The following AFF3 variants were observed in gnomAD, a reference collection of about 807,000 sequenced individuals.
The protein encoded by AFF3 is AF4/FMR2 family member 3.
A neutral mutation model predicts 129.7 loss-of-function variants in AFF3; 32 were observed. The ratio of observed to expected loss-of-function variants is 0.25; its 90% confidence interval spans 0.19 to 0.33. The LOEUF (loss-of-function observed/expected upper bound fraction) is 0.33, where lower values mean the gene tolerates loss of function less well. AFF3 is among the 10% of genes least tolerant of loss of function. AFF3 has a pLI of 1.00. For missense variants in AFF3, 1,373 were observed against 1,592.0 expected, an observed-to-expected ratio of 0.86 and a Z score of 2.34; for synonymous variants, 644 against 635.4, an observed-to-expected ratio of 1.01 and a Z score of -0.20.
At chr2:99,883,745 T>A (rs954588291) in intron 7 of AFF3, among the ~76,000 whole-genome samples, 2 of 152,190 alleles carry the variant, frequency 1.3e-5, no homozygotes, top group South Asian at 4.1e-4. Flanking sequence ...ACAGAGAGCC[T>A]TCTACTGAGT....
chr2:99,726,536 T>C (rs931608175), intron 11 of AFF3, among the ~76,000 whole-genome samples: 2 of 152,246 alleles, frequency 1.3e-5, no homozygotes, highest in Non-Finnish European at 2.9e-5. Flanking sequence ...TCCTTGAATA[T>C]TGAGAAGAAA....
intron 7 of AFF3, among the ~76,000 whole-genome samples, chr2:99,923,608 G>A (rs1696017361): frequency 1.3e-5 from 2 of 152,082 alleles, no homozygotes; most frequent in Admixed American, 6.6e-5. Context: ...TCACTCAAAA[G>A]AAATATAGCA....
At chr2:100,024,312 T>C (rs925409536) in intron 4 of AFF3, among the ~76,000 whole-genome samples, 4 of 147,848 alleles carry the variant, frequency 2.7e-5, no homozygotes, top group African/African-American at 5.0e-5. Context: ...GGGTGGCTCA[T>C]GCTTGTAATC....
intron 4 of AFF3, among the ~76,000 whole-genome samples, chr2:100,045,267 C>T (rs530707265): frequency 6.6e-6 from 1 of 152,262 alleles, no homozygotes; most frequent in East Asian, 1.9e-4. Context: ...AGCTGAGTGC[C>T]GCAGTTACTA....
Position 99,727,102 on chromosome 2 carries a change from G to C in AFF3, c.1066C>G (p.Pro356Ala). 1.9e-6 allele frequency: 3 copies of C among 1,610,694 alleles called. 1 individual carries two copies. In the South Asian group the frequency reaches 3.3e-5, roughly 18 times the overall value. The change falls in exon 11 of 25, where the codon CCA becomes GCA. Residue 356 changes from proline (P) to alanine (A), a missense_variant. Physicochemically the swap from Pro to Ala is conservative, Grantham distance 27. Coordinates refer to ENST00000672756, the MANE Select transcript of AFF3 (RefSeq NM_001386135.1). ...GATGTATTCGATGTGCCATTGTCTG[G>C]ACTCTCTGGCTCTGCATCACCTTTC... ...PKKGDAEPES[P>A]DNGTSNTSML...
Position 99,545,516 on chromosome 2 carries a change from G to A in AFF3, c.*5958C>T, listed in dbSNP as rs1162752306. On this transcript the variant is annotated 3_prime_UTR_variant, in exon 25 of 25. Coordinates refer to ENST00000672756, the MANE Select transcript of AFF3 (RefSeq NM_001386135.1). ...TGTCTAGATCCAAGTATTTCTGGAT[G>A]AGCTTTCCTATTTTAAAAATGGGTA... 6.6e-6 allele frequency: 1 copy of A among 152,142 alleles called. No individual in the cohort carries two copies. Among genetic ancestry groups the A allele is most frequent in the African/African-American group, 2.4e-5 (1 of 41,412 alleles). 9.4% of individuals were successfully genotyped at this position (152,142 alleles called of 1,614,324 possible). A position where few individuals can be genotyped will look rare whatever the true frequency, so the allele number is the denominator to read the frequency against.
intron 7 of AFF3, among the ~76,000 whole-genome samples, chr2:99,886,438 T>C (rs1204566842): frequency 6.6e-6 from 1 of 150,774 alleles, no homozygotes; most frequent in Non-Finnish European, 1.5e-5. Context: ...TTTTCAGGAA[T>C]AAAGGAGGTA....
At chr2:100,014,675 A>G (rs1030291139) in intron 4 of AFF3, among the ~76,000 whole-genome samples, 4 of 152,174 alleles carry the variant, frequency 2.6e-5, no homozygotes, top group African/African-American at 7.2e-5. Context: ...ATGGAAAAGA[A>G]GAAGGGCTTA....
chr2:99,798,305 T>C (rs976191575), intron 8 of AFF3, among the ~76,000 whole-genome samples: 6 of 151,756 alleles, frequency 4.0e-5, no homozygotes, highest in African/African-American at 1.2e-4. Context: ...AATAACTCAA[T>C]GCAAAAGAAG....
At chr2:100,052,821 C>T (rs1686455596) in intron 4 of AFF3, among the ~76,000 whole-genome samples, 1 of 152,224 alleles carries the variant, frequency 6.6e-6, no homozygotes. Context: ...GGGCGCTGCA[C>T]CTGCTCACAT....
At chr2:99,634,964 T>TAC (rs201362666) in intron 13 of AFF3, among the ~76,000 whole-genome samples, 4,920 of 137,676 alleles carry the variant, frequency 0.036, 136 homozygotes, top group East Asian at 0.11. Context: ...GATTCTGTCA[T>TAC]ACACACACAC....
intron 13 of AFF3, among the ~76,000 whole-genome samples, chr2:99,646,058 C>G (rs1684660924): frequency 6.6e-6 from 1 of 152,144 alleles, no homozygotes; most frequent in African/African-American, 2.4e-5. Flanking sequence ...GTTGGGCTTC[C>G]TTATAGGGAA....
intron 19 of AFF3, among the ~76,000 whole-genome samples, chr2:99,568,285 G>A (rs1252560376): frequency 6.6e-6 from 1 of 152,190 alleles, no homozygotes; most frequent in Non-Finnish European, 1.5e-5. Context: ...AGAAAACAAA[G>A]TTTTCCATCT....
At chr2:99,917,871 A>C (rs1004596532) in intron 7 of AFF3, among the ~76,000 whole-genome samples, 3 of 152,192 alleles carry the variant, frequency 2.0e-5, no homozygotes, top group African/African-American at 7.2e-5. Context: ...CCCTGCGAAC[A>C]GTGCGCAAAA....
intron 4 of AFF3, among the ~76,000 whole-genome samples, chr2:100,036,135 A>G (rs1186242941): frequency 5.0e-4 from 9 of 17,940 alleles, no homozygotes; most frequent in Admixed American, 7.3e-4. Flanking sequence ...ATACAGTGCT[A>G]AAAAAAAAAA....
At chr2:99,724,581 C>A (rs1005479136) in intron 11 of AFF3, among the ~76,000 whole-genome samples, 6 of 151,910 alleles carry the variant, frequency 3.9e-5, no homozygotes, top group African/African-American at 1.5e-4. Context: ...CCTGGAGTGA[C>A]CTTTCTGATC....
chr2:100,041,136 T>C (rs992951664), intron 4 of AFF3, among the ~76,000 whole-genome samples: 1 of 152,214 alleles, frequency 6.6e-6, no homozygotes, highest in Admixed American at 6.5e-5. Context: ...TATGACACTC[T>C]CCAGCTCTAC....
chr2:99,784,792 G>A (rs921204229), intron 8 of AFF3, among the ~76,000 whole-genome samples: 1 of 152,156 alleles, frequency 6.6e-6, no homozygotes, highest in Non-Finnish European at 1.5e-5. Flanking sequence ...TAACTGTATT[G>A]TCCTATCATT....
chr2:99,972,462 G>C (rs61336641), intron 7 of AFF3, among the ~76,000 whole-genome samples: 3,170 of 152,288 alleles, frequency 0.021, 113 homozygotes, highest in African/African-American at 0.073. Context: ...GGGACGTTTA[G>C]AAAAAGACAA....
Sources: allele counts gnomAD v4.1 joint callset (sites outside exome capture counted in the v4.1 genomes callset), GRCh38; gene constraint gnomAD v4.1.1; transcripts MANE v1.5; gene names NCBI Gene and HGNC (gene_info 2026-07-23, HGNC 2026-07-21).